Variants in ADAM2 observed in about 807,000 individuals in gnomAD.
ADAM2 encodes the protein disintegrin and metalloproteinase domain-containing protein 2.
ADAM2 carries 101 observed loss-of-function variants against 99.3 expected under a neutral mutation model. The ratio of observed to expected loss-of-function variants is 1.02; its 90% CI spans 0.87 to 1.20. The LOEUF is 1.20. ADAM2 is among the 50% of genes most tolerant of loss of function. ADAM2 has a pLI of 0.00. For missense variants in ADAM2, 948 were observed against 878.7 expected (o/e 1.08, Z -1.00); for synonymous variants, 323 against 287.6 (o/e 1.12, Z -1.25).
At chr8:39,799,324 C>A (rs1804107548) in intron 7 of ADAM2, among the ~76,000 whole-genome samples, 1 of 152,174 alleles carries the variant, frequency 6.6e-6, no homozygotes, top group Non-Finnish European at 1.5e-5. Context: ...ACAGGTTGTT[C>A]AATTTCCATG....
intron 10 of ADAM2, among the ~76,000 whole-genome samples, chr8:39,780,451 T>C (rs973067430): frequency 5.9e-5 from 9 of 152,172 alleles, no homozygotes; most frequent in African/African-American, 2.2e-4. Flanking sequence ...TAATGAATAA[T>C]AATATGTGGG....
At chr8:39,797,961 T>G (rs939530087) in intron 7 of ADAM2, among the ~76,000 whole-genome samples, 1 of 152,244 alleles carries the variant, frequency 6.6e-6, no homozygotes, top group Non-Finnish European at 1.5e-5. Context: ...TGGGGTTTTC[T>G]AAATATAAAA....
chr8:39,760,158 C>T (rs951299837), intron 15 of ADAM2, among the ~76,000 whole-genome samples: 2 of 152,072 alleles, frequency 1.3e-5, no homozygotes, highest in East Asian at 3.9e-4. Context: ...TGAGCTACCC[C>T]GCCCGGTCTT....
intron 16 of ADAM2, among the ~76,000 whole-genome samples, chr8:39,754,305 G>C (rs1802067492): frequency 6.6e-6 from 1 of 152,088 alleles, no homozygotes; most frequent in Admixed American, 6.6e-5. Flanking sequence ...GCTAAAAACT[G>C]GACTGAGTCT....
rs775305110 is a variant in ADAM2 at position 39,788,213 on chromosome 8, T to A, written c.681A>T (p.Ser227=). ...TATTTTCATCTATCCAAAGCTCCAA[T>A]GAAGACAGAATAATTGTAATATTAA... ...VSFNITIILS[S]LELWIDENKI... Residue 227 remains serine, a synonymous_variant, in exon 9 of 21, where the codon TCA becomes TCT. Coordinates refer to ENST00000265708, the MANE Select transcript of ADAM2 (RefSeq NM_001464.5). The A allele has an allele frequency of 3.2e-6, 5 of 1,565,306 alleles. No homozygotes were observed. In the East Asian group the frequency reaches 1.2e-4, roughly 36 times the overall value.
intron 11 of ADAM2, among the ~76,000 whole-genome samples, chr8:39,769,848 G>C (rs567800063): frequency 3.9e-5 from 6 of 151,992 alleles, no homozygotes; most frequent in Non-Finnish European, 7.4e-5. Flanking sequence ...TTTCCAAAGT[G>C]CCCCATGCTG....
At chr8:39,815,151 G>A (rs1804888036) in intron 6 of ADAM2, among the ~76,000 whole-genome samples, 1 of 151,962 alleles carries the variant, frequency 6.6e-6, no homozygotes, top group Non-Finnish European at 1.5e-5. Context: ...CTGTCAGGAT[G>A]GATAGTTCCA....
In ADAM2 at chr8:39,746,498, C is replaced by G. The variant is rs749546482; in HGVS notation, c.2148G>C (p.Trp716Cys). 6.3e-7 allele frequency: 1 copy of G among 1,593,792 alleles called. No homozygotes were observed. The highest frequency in any genetic ancestry group is 8.5e-7 in the Non-Finnish European group (1 of 1,172,340). Residue 716 changes from tryptophan (W) to cysteine (C), a missense_variant, in exon 19 of 21, where the codon TGG (tryptophan) becomes TGC (cysteine). Transcript: ENST00000265708. ...MVKVNFQRKKWRTEDYSSDEQ... is the reference protein window; with the variant it reads ...MVKVNFQRKKCRTEDYSSDEQ... The stretch of plus-strand genomic sequence containing the variant: ...CATCGCTTGAATAGTCCTCAGTTCT[C>G]CATTTTTTCCTTTGGAAATTAACTT...
At chr8:39,764,252 A>C (rs1277977406) in intron 14 of ADAM2, among the ~76,000 whole-genome samples, 1 of 152,164 alleles carries the variant, frequency 6.6e-6, no homozygotes, top group Non-Finnish European at 1.5e-5. Flanking sequence ...CAAAAAAAGA[A>C]AAAGAAAAAA....
rs1254168880 is a variant in ADAM2 at position 39,823,411 on chromosome 8, C to T, written c.267+1408G>A. Among the ~76,000 whole-genome samples the T allele has an allele frequency of 7.2e-5, 11 of 152,122 alleles. No homozygotes were observed. In the East Asian group the frequency reaches 2.1e-3, roughly 29 times the overall value. ...CCTAGGATAGAGGTAGGCCTGCAACCTTGGCAAACACAATTTATTTTCAAG... is the reference window on the plus strand; with the variant it reads ...CCTAGGATAGAGGTAGGCCTGCAACTTTGGCAAACACAATTTATTTTCAAG... On this transcript the variant is annotated intron_variant, in intron 4 of 20. Transcript: ENST00000265708.
chr8:39,772,187 T>A (rs992680850), intron 11 of ADAM2, among the ~76,000 whole-genome samples: 4 of 151,866 alleles, frequency 2.6e-5, no homozygotes, highest in Non-Finnish European at 4.4e-5. Flanking sequence ...GCAGCTTGAA[T>A]CTTCATGGAG....
chr8:39,816,485 T>C (rs987391663), intron 6 of ADAM2, among the ~76,000 whole-genome samples: 7 of 152,072 alleles, frequency 4.6e-5, no homozygotes, highest in African/African-American at 1.7e-4. Flanking sequence ...TAAAAACATA[T>C]ATCCACATAA....
chr8:39,787,249 A>C (rs1274143394), intron 9 of ADAM2, among the ~76,000 whole-genome samples, 194 bp from the exon 10 acceptor site: 1 of 151,866 alleles, frequency 6.6e-6, no homozygotes, highest in Admixed American at 6.6e-5. Flanking sequence ...AGTGTATTTT[A>C]TATGGATTTC....
At chr8:39,816,432 C>T (rs184582799) in intron 6 of ADAM2, among the ~76,000 whole-genome samples, 8 of 152,214 alleles carry the variant, frequency 5.3e-5, no homozygotes, top group Admixed American at 2.6e-4. Flanking sequence ...ACAGAGTCTG[C>T]GTATGACCTA....
At chr8:39,782,283 T>G (rs778584402) in intron 10 of ADAM2, among the ~76,000 whole-genome samples, 1 of 152,194 alleles carries the variant, frequency 6.6e-6, no homozygotes, top group Non-Finnish European at 1.5e-5. Flanking sequence ...TAGATTATAA[T>G]GATTGATTTC....
chr8:39,836,018 AG>A (rs1421573355), intron 2 of ADAM2, among the ~76,000 whole-genome samples: 3 of 152,058 alleles, frequency 2.0e-5, no homozygotes, highest in African/African-American at 7.2e-5. Flanking sequence ...AAAATCAAAA[AG>A]GAACTTTTTG....
At chr8:39,814,185 C>T (rs979939547) in intron 6 of ADAM2, among the ~76,000 whole-genome samples, 8 of 151,950 alleles carry the variant, frequency 5.3e-5, no homozygotes, top group African/African-American at 1.4e-4. Context: ...TGGCAAAACC[C>T]TGTCTCTACT....
intron 10 of ADAM2, among the ~76,000 whole-genome samples, chr8:39,783,642 T>C (rs2129585046): frequency 6.6e-6 from 1 of 152,232 alleles, no homozygotes; most frequent in South Asian, 2.1e-4. Flanking sequence ...CTTGAATATA[T>C]ATGATGTTTG....
chr8:39,777,272 C>G (rs979193733), intron 10 of ADAM2, 111 bp from the exon 11 acceptor site: 2 of 734,856 alleles, frequency 2.7e-6, no homozygotes, highest in Admixed American at 5.6e-5. Flanking sequence ...ATCTGTTATC[C>G]CAAAAGTGCC....
Sources: allele counts gnomAD v4.1 joint callset (sites outside exome capture counted in the v4.1 genomes callset), GRCh38; gene constraint gnomAD v4.1.1; transcripts MANE v1.5; gene names NCBI Gene and HGNC (gene_info 2026-07-23, HGNC 2026-07-21).